The following RYR2 variants were observed in gnomAD, a reference collection of about 807,000 sequenced individuals.
RYR2 encodes cardiac muscle ryanodine receptor-calcium release channel.
A neutral mutation model predicts 601.1 loss-of-function variants in RYR2; 227 were observed. The ratio of observed to expected loss-of-function variants is 0.38; its 90% confidence interval spans 0.34 to 0.42. The LOEUF (loss-of-function observed/expected upper bound fraction) is 0.42. RYR2 is among the 10% of genes least tolerant of loss of function. The probability of loss-of-function intolerance (pLI) is 1.00; values close to 1 mark genes in which losing one functional copy is unlikely to be tolerated. For synonymous variants in RYR2, 2,223 were observed against 2,175.1 expected (o/e 1.02, Z -0.61); for missense variants, 4,646 against 6,156.5 (o/e 0.75, Z 8.21).
intron 51 of RYR2, 86 bp downstream of exon 51, chr1:237,651,587 A>G: frequency 1.2e-6 from 1 of 857,040 alleles, no homozygotes; most frequent in Non-Finnish European, 1.9e-6. Flanking sequence ...TCTTAGATAC[A>G]TCATGCTTGA....
chr1:237,352,089 TATTC>T (rs1197595984), intron 3 of RYR2, among the ~76,000 whole-genome samples: 2 of 151,992 alleles, frequency 1.3e-5, no homozygotes, highest in African/African-American at 4.8e-5. Flanking sequence ...ATTAAACACC[TATTC>T]ATTGTAATAT....
chr1:237,251,296 T>G (rs1687442497), intron 1 of RYR2, among the ~76,000 whole-genome samples: 2 of 152,178 alleles, frequency 1.3e-5, no homozygotes, highest in Non-Finnish European at 2.9e-5. Context: ...GCTTCTCTTC[T>G]CATTCATTCT....
intron 1 of RYR2, among the ~76,000 whole-genome samples, chr1:237,208,680 T>G (rs188591313): frequency 3.8e-4 from 58 of 152,142 alleles, no homozygotes; most frequent in African/African-American, 1.3e-3. Context: ...AACGTATTTA[T>G]GACCTCACAG....
At chr1:237,369,762 T>A (rs1043855872) in intron 6 of RYR2, among the ~76,000 whole-genome samples, 154 bp downstream of exon 6, 1 of 152,230 alleles carries the variant, frequency 6.6e-6, no homozygotes, top group Non-Finnish European at 1.5e-5. Flanking sequence ...TAGTTTCTCA[T>A]GTAAAAGATG....
chr1:237,678,167 A>G (rs1685565387), intron 61 of RYR2, 55 bp downstream of exon 61: 1 of 953,240 alleles, frequency 1.0e-6, no homozygotes, highest in South Asian at 1.4e-5. Flanking sequence ...TACATACCCT[A>G]CTCATTAGAT....
intron 62 of RYR2, among the ~76,000 whole-genome samples, chr1:237,684,001 C>T (rs1202406436): frequency 6.6e-6 from 1 of 152,082 alleles, no homozygotes; most frequent in Non-Finnish European, 1.5e-5. Flanking sequence ...GATCTCGGCT[C>T]ACTGCAACCT....
intron 92 of RYR2, among the ~76,000 whole-genome samples, 182 bp from the exon 93 acceptor site, chr1:237,791,247 C>T (rs1658348111): frequency 6.6e-6 from 1 of 152,170 alleles, no homozygotes; most frequent in Non-Finnish European, 1.5e-5. Context: ...TATTCTTTGT[C>T]TCCTCCATGG....
chr1:237,171,564 T>C (rs1169507023), intron 1 of RYR2, among the ~76,000 whole-genome samples: 3 of 152,194 alleles, frequency 2.0e-5, no homozygotes, highest in African/African-American at 7.2e-5. Flanking sequence ...CCCAGTGTCT[T>C]AGGTAACCGT....
chr1:237,592,568 G>C (rs1430166696), intron 32 of RYR2, among the ~76,000 whole-genome samples: 1 of 151,750 alleles, frequency 6.6e-6, no homozygotes, highest in African/African-American at 2.4e-5. Context: ...AGGAGACAGA[G>C]GTTGCAGTGA....
Position 237,380,397 on chromosome 1 carries a change from TA to T in RYR2, c.576+2963del, listed in dbSNP as rs1558718191. 1.7e-3 allele frequency among the ~76,000 whole-genome samples: 57 copies of T among 34,300 alleles called. 2 individuals are homozygous for T. The highest frequency in any genetic ancestry group is 3.5e-3 in the African/African-American group (34 of 9,788). The allele number at this position is 34,300 out of a possible 152,430, so 22.5% of individuals were successfully genotyped here. On this transcript the variant is annotated intron_variant, in intron 8 of 104. Transcript: ENST00000366574. ...ATATATATATATATATATATATATATATATATATATATATATATATATATAG... is the reference window on the plus strand; with the variant it reads ...ATATATATATATATATATATATATATTATATATATATATATATATATATAG...
At chr1:237,160,818 G>A (rs576993308) in intron 1 of RYR2, among the ~76,000 whole-genome samples, 347 of 152,028 alleles carry the variant, frequency 2.3e-3, no homozygotes, top group Non-Finnish European at 3.7e-3. Flanking sequence ...ATTGATAAAA[G>A]AAAGAATTGT....
chr1:237,115,898 G>T (rs187150900), intron 1 of RYR2, among the ~76,000 whole-genome samples: 1 of 152,220 alleles, frequency 6.6e-6, no homozygotes, highest in African/African-American at 2.4e-5. Context: ...GGTCTTAGTG[G>T]ATTGTTTAAT....
At chr1:237,631,611 AGAT>A in intron 42 of RYR2, 70 bp downstream of exon 42, 4 of 292,574 alleles carry the variant, frequency 1.4e-5, no homozygotes, top group Non-Finnish European at 1.7e-5. Context: ...TATAGAATGC[AGAT>A]TTTTTTTTTT....
At chr1:237,793,835 C>A in intron 94 of RYR2, 32 bp from the exon 95 acceptor site, 6 of 1,535,358 alleles carry the variant, frequency 3.9e-6, no homozygotes, top group Non-Finnish European at 4.5e-6. Flanking sequence ...TAAATCTAAA[C>A]TAATTTTAAC....
At chr1:237,548,382 T>C (rs1175235875) in intron 25 of RYR2, 49 bp from the exon 26 acceptor site, 1 of 1,590,232 alleles carries the variant, frequency 6.3e-7, no homozygotes, top group Admixed American at 1.8e-5. Flanking sequence ...TACAGAGATT[T>C]TTATGAAAAG....
chr1:237,705,882 A>G (rs530431372), intron 67 of RYR2, among the ~76,000 whole-genome samples: 41 of 152,316 alleles, frequency 2.7e-4, no homozygotes, highest in African/African-American at 8.4e-4. Context: ...AATGGCCAAA[A>G]TTGTCTAGAT....
At chr1:237,126,885 A>G (rs1016091715) in intron 1 of RYR2, among the ~76,000 whole-genome samples, 15 of 151,192 alleles carry the variant, frequency 9.9e-5, no homozygotes. Context: ...CAGCAGATAA[A>G]CAAGTGAACA....
chr1:237,250,434 A>C (rs1271044615), intron 1 of RYR2, among the ~76,000 whole-genome samples: 1 of 152,136 alleles, frequency 6.6e-6, no homozygotes, highest in Non-Finnish European at 1.5e-5. Flanking sequence ...TGGTAATACC[A>C]TGCATTTCCT....
chr1:237,382,701 T>C (rs943657441), intron 8 of RYR2, among the ~76,000 whole-genome samples: 1 of 152,144 alleles, frequency 6.6e-6, no homozygotes, highest in Non-Finnish European at 1.5e-5. Flanking sequence ...TAGATAATTA[T>C]TGATTGCATA....
Sources: gnomAD v4.1 joint callset for allele counts (sites outside exome capture counted in the v4.1 genomes callset) on GRCh38, gnomAD v4.1.1 for gene constraint, MANE v1.5 for transcripts, NCBI Gene and HGNC (gene_info 2026-07-23, HGNC 2026-07-21) for gene names.